The following ATRNL1 variants were observed in gnomAD, a reference collection of about 807,000 sequenced individuals.
The protein encoded by ATRNL1 is attractin-like protein 1.
In ATRNL1, 95 loss-of-function variants were observed where a neutral mutation model predicts 182.7. The ratio of observed to expected loss-of-function variants is 0.52; its 90% CI spans 0.44 to 0.62. ATRNL1 has a LOEUF of 0.62. Among genes scored for constraint, ATRNL1 ranks in the 20% least tolerant of loss-of-function variants. ATRNL1 has a pLI of 0.00. For synonymous variants in ATRNL1, 576 were observed against 568.3 expected (o/e 1.01, Z -0.19); for missense variants, 1,471 against 1,679.5 (o/e 0.88, Z 2.17).
intron 27 of ATRNL1, among the ~76,000 whole-genome samples, chr10:115,830,859 C>G (rs1173024229): frequency 1.6e-4 from 24 of 152,140 alleles, no homozygotes; most frequent in Non-Finnish European, 1.5e-5. Context: ...CAGCTAATTT[C>G]TGTCCATCAG....
chr10:115,147,192 G>T (rs74963766), intron 5 of ATRNL1, among the ~76,000 whole-genome samples: 1,785 of 152,010 alleles, frequency 0.012, 32 homozygotes, highest in African/African-American at 0.04. Context: ...ATCTCATTGT[G>T]GTTTTTGATT....
chr10:115,475,905 A>G (rs1848506036), intron 24 of ATRNL1, among the ~76,000 whole-genome samples: 1 of 151,352 alleles, frequency 6.6e-6, no homozygotes, highest in African/African-American at 2.4e-5. Flanking sequence ...TAGGTTGATT[A>G]CTTCTACTAC....
intron 19 of ATRNL1, among the ~76,000 whole-genome samples, chr10:115,337,101 T>A (rs1465695108): frequency 6.6e-6 from 1 of 151,788 alleles, no homozygotes; most frequent in Non-Finnish European, 1.5e-5. Context: ...GACCTCGTGA[T>A]CTGTCTGCCT....
intron 26 of ATRNL1, among the ~76,000 whole-genome samples, chr10:115,658,597 GGGTATAGTATCCTCCCTA>G (rs1860483583): frequency 6.6e-6 from 1 of 152,002 alleles, no homozygotes. Flanking sequence ...GAGTTCCAGG[GGGTATAGTATCCTCCCTA>G]TCTGGTCAGG....
chr10:115,615,261 G>A (rs61387610), intron 26 of ATRNL1, among the ~76,000 whole-genome samples: 3,519 of 151,898 alleles, frequency 0.023, 125 homozygotes, highest in African/African-American at 0.08. Flanking sequence ...TCCAGATATA[G>A]GATTTTTAAA....
chr10:115,695,610 C>A, intron 26 of ATRNL1, among the ~76,000 whole-genome samples: 1 of 151,922 alleles, frequency 6.6e-6, no homozygotes, highest in South Asian at 2.1e-4. Context: ...TATATTAGAA[C>A]TATATCATCA....
At chr10:115,271,627 AT>A (rs1358213582) in intron 13 of ATRNL1, among the ~76,000 whole-genome samples, 1 of 152,220 alleles carries the variant, frequency 6.6e-6, no homozygotes, top group Non-Finnish European at 1.5e-5. Flanking sequence ...CCAGATATCC[AT>A]CAATGATAGA....
At chr10:115,263,509 T>G (rs74159843) in intron 10 of ATRNL1, among the ~76,000 whole-genome samples, 5 of 151,950 alleles carry the variant, frequency 3.3e-5, no homozygotes, top group African/African-American at 1.2e-4. Flanking sequence ...CTCATACAAG[T>G]TATTTACCTT....
At chr10:115,696,807 C>G (rs1255013883) in intron 26 of ATRNL1, among the ~76,000 whole-genome samples, 1 of 151,566 alleles carries the variant, frequency 6.6e-6, no homozygotes, top group African/African-American at 2.4e-5. Context: ...TGAGAGGCTT[C>G]AGGAAACTTA....
chr10:115,470,492 C>G (rs1848255428), intron 24 of ATRNL1, among the ~76,000 whole-genome samples: 1 of 150,310 alleles, frequency 6.7e-6, no homozygotes, highest in Non-Finnish European at 1.5e-5. Context: ...AATTTCACTT[C>G]ATTTATTCAA....
chr10:115,223,170 A>G (rs971446433), intron 9 of ATRNL1, among the ~76,000 whole-genome samples: 1 of 152,150 alleles, frequency 6.6e-6, no homozygotes, highest in Non-Finnish European at 1.5e-5. Context: ...AGTCCCAGCT[A>G]CTTGGGAGGC....
chr10:115,136,860 T>C (rs939353837), intron 5 of ATRNL1, among the ~76,000 whole-genome samples: 2 of 152,232 alleles, frequency 1.3e-5, no homozygotes, highest in Non-Finnish European at 2.9e-5. Flanking sequence ...GACATCTTGG[T>C]TGCTTCTGTA....
rs1457418999 is a variant in ATRNL1, at chr10:115,093,949, G to A, written c.199G>A (p.Gly67Ser). The A allele has an allele frequency of 3.8e-6, 6 of 1,590,854 alleles. No homozygotes were observed. The African/African-American group carries it at 8.2e-5, about 22-fold the overall frequency. ...CCAGTCCAAGCCGTGCGAGAGGACCGGCTCCTGCTTCTCGGGCCGCTGTGT... is the reference window on the plus strand; with the variant it reads ...CCAGTCCAAGCCGTGCGAGAGGACCAGCTCCTGCTTCTCGGGCCGCTGTGT... ...VSQSKPCERTGSCFSGRCVNS... is the reference protein window; with the variant it reads ...VSQSKPCERTSSCFSGRCVNS... The change falls in exon 1 of 29, where the codon GGC becomes AGC. Residue 67 changes from glycine (G) to serine (S), a missense_variant. Gly to Ser is a moderately conservative substitution (Grantham distance 56). Around this residue, in one of 3 missense-constraint regions of ATRNL1, gnomAD observed 1,031 missense variants for 1,156.0 expected, o/e 0.89. Transcript: ENST00000355044. This position sits in a 1 kb window ranked among gnomAD's most constrained non-coding sequence, Gnocchi z 6.1.
At chr10:115,383,494 A>G (rs1274206360) in intron 19 of ATRNL1, among the ~76,000 whole-genome samples, 3 of 151,966 alleles carry the variant, frequency 2.0e-5, no homozygotes, top group Non-Finnish European at 4.4e-5. Context: ...AGACTTGCAG[A>G]CATTTTCCCT....
At chr10:115,266,115 G>A (rs1851597328) in intron 11 of ATRNL1, among the ~76,000 whole-genome samples, 1 of 151,668 alleles carries the variant, frequency 6.6e-6, no homozygotes, top group African/African-American at 2.4e-5. Flanking sequence ...AGACATTCTT[G>A]AAGACTTTTT....
At chr10:115,259,294 C>T (rs558276991) in intron 10 of ATRNL1, among the ~76,000 whole-genome samples, 17 of 152,234 alleles carry the variant, frequency 1.1e-4, no homozygotes, top group East Asian at 5.8e-4. Context: ...GCTTCCTGGC[C>T]GCTTTGTTTA....
intron 28 of ATRNL1, among the ~76,000 whole-genome samples, chr10:115,883,231 A>G (rs932785117): frequency 7.9e-5 from 12 of 152,292 alleles, no homozygotes; most frequent in Admixed American, 7.8e-4. Context: ...GCTCCAATGG[A>G]GAATAAGTTA....
At chr10:115,407,610 C>T (rs959715236) in intron 20 of ATRNL1, among the ~76,000 whole-genome samples, 1 of 152,138 alleles carries the variant, frequency 6.6e-6, no homozygotes. Flanking sequence ...ATATATCCTA[C>T]ATTTCCTTTA....
At chr10:115,822,527 C>T (rs931221685) in intron 27 of ATRNL1, among the ~76,000 whole-genome samples, 2 of 152,090 alleles carry the variant, frequency 1.3e-5, no homozygotes, top group South Asian at 4.2e-4. Flanking sequence ...AATAGATAGG[C>T]CACTAGCCAG....
Sources: gnomAD v4.1 joint callset for allele counts (sites outside exome capture counted in the v4.1 genomes callset) on GRCh38, gnomAD v4.1.1 for gene constraint, gnomAD v4.1.1 regional missense constraint, Gnocchi (gnomAD v3.1) non-coding constraint, MANE v1.5 for transcripts, NCBI Gene and HGNC (gene_info 2026-07-23, HGNC 2026-07-21) for gene names.